Variants in ZMYM2 observed in about 807,000 individuals in gnomAD.
ZMYM2 encodes zinc finger MYM-type containing 2, also known as zinc finger MYM-type protein 2.
In ZMYM2, 56 loss-of-function variants were observed where a neutral mutation model predicts 162.8. The observed-to-expected ratio is 0.34, with a 90% CI of 0.28 to 0.43. The LOEUF (loss-of-function observed/expected upper bound fraction) is 0.43, where lower values mean the gene tolerates loss of function less well. ZMYM2 is among the 20% of genes least tolerant of loss of function. ZMYM2 has a pLI of 1.00. For synonymous variants in ZMYM2, 510 were observed against 541.6 expected, an observed-to-expected ratio of 0.94 and a Z score of 0.81; for missense variants, 1,275 against 1,621.8, an observed-to-expected ratio of 0.79 and a Z score of 3.67.
chr13:19,884,013 C>A, the ZMYM2 span, among the ~76,000 whole-genome samples: 12,552 of 152,230 alleles, frequency 0.082, 561 homozygotes, highest in Middle Eastern at 0.12. Flanking sequence ...CCGGTTTGAC[C>A]TCCAAAAGCG....
At chr13:20,039,475 T>G (rs1229064243) in intron 12 of ZMYM2, among the ~76,000 whole-genome samples, 1 of 7,812 alleles carries the variant, frequency 1.3e-4, no homozygotes, top group Non-Finnish European at 4.3e-3. Context: ...TATTGAGAGT[T>G]TTTTTTTTTT....
chr13:19,985,780 G>A (rs530781372), intron 2 of ZMYM2, among the ~76,000 whole-genome samples: 1 of 152,008 alleles, frequency 6.6e-6, no homozygotes, highest in Non-Finnish European at 1.5e-5. Flanking sequence ...GGAGGCTGAG[G>A]CACAAGAATT....
chr13:20,026,729 AACAGTC>A lies in ZMYM2; in HGVS notation c.1706_1711del (p.Ser569_His570del), dbSNP rs1194113878. On this transcript the variant is annotated inframe_deletion, in exon 8 of 25. Transcript: ENST00000610343. ...GCCATATTGTTCAACTGCTTGTATG[AACAGTC>A]ACAAGACAAAATATGCAAAATCACA... 6.2e-7 allele frequency: 1 copy of A among 1,600,656 alleles called. No homozygotes were observed. The highest frequency in any genetic ancestry group is 8.5e-7 in the Non-Finnish European group (1 of 1,177,268).
chr13:19,884,291 T>C, the ZMYM2 span, among the ~76,000 whole-genome samples: 1 of 152,248 alleles, frequency 6.6e-6, no homozygotes, highest in African/African-American at 2.4e-5. Flanking sequence ...CTGACGCCAG[T>C]GGCGGGGTGC....
chr13:20,051,253 G>GCATCTTTTTTTTT, intron 12 of ZMYM2, among the ~76,000 whole-genome samples, 180 bp from the exon 13 acceptor site: 2 of 74,196 alleles, frequency 2.7e-5, no homozygotes, highest in Non-Finnish European at 5.9e-5. Flanking sequence ...CTGTGAAATT[G>GCATCTTTTTTTTT]TATTTTTTTT....
the ZMYM2 span, among the ~76,000 whole-genome samples, chr13:19,942,384 AAAATGTCCTATACT>A: frequency 2.6e-5 from 4 of 152,062 alleles, no homozygotes; most frequent in Non-Finnish European, 5.9e-5. Flanking sequence ...GGAACCACAT[AAAATGTCCTATACT>A]AAAGAATTTA....
intron 10 of ZMYM2, among the ~76,000 whole-genome samples, chr13:20,033,780 T>C (rs1340343935): frequency 3.3e-5 from 5 of 152,216 alleles, no homozygotes; most frequent in Non-Finnish European, 7.3e-5. Context: ...GCACGCTGTG[T>C]GATGGCACCA....
the ZMYM2 span, among the ~76,000 whole-genome samples, chr13:19,910,772 T>C: frequency 6.6e-6 from 1 of 152,106 alleles, no homozygotes; most frequent in Admixed American, 6.6e-5. Flanking sequence ...GAAACCTAAA[T>C]ACAATGAGAA....
chr13:20,075,717 T>TATCGCCCAGGCTGGAGTGCAGTGGCGCC lies in ZMYM2; in HGVS notation c.3454-6295_3454-6268dup, dbSNP rs567445905. ...TTTTTTTTTTTGGAGACAGAGTCTC[T>TATCGCCCAGGCTGGAGTGCAGTGGCGCC]ATCGCCCAGGCTGGAGTGCAGTGGC... is the stretch of plus-strand genomic sequence containing the variant. On this transcript the variant is annotated intron_variant, in intron 21 of 24. Transcript: ENST00000610343. Among the ~76,000 whole-genome samples the TATCGCCCAGGCTGGAGTGCAGTGGCGCC allele has an allele frequency of 5.5e-3, 698 of 125,902 alleles. 15 individuals are homozygous for TATCGCCCAGGCTGGAGTGCAGTGGCGCC. The highest frequency in any genetic ancestry group is 0.02 in the African/African-American group (646 of 32,776). The allele number at this position is 125,902 out of a possible 152,430, so 82.6% of individuals were successfully genotyped here.
At chr13:19,868,213 T>C in the ZMYM2 span, among the ~76,000 whole-genome samples, 6 of 152,256 alleles carry the variant, frequency 3.9e-5, no homozygotes, top group Non-Finnish European at 8.8e-5. Flanking sequence ...CATTTTTATT[T>C]TTATATCAAC....
intron 17 of ZMYM2, 76 bp downstream of exon 17, chr13:20,061,300 A>T (rs1956211438): frequency 6.8e-7 from 1 of 1,478,122 alleles, no homozygotes; most frequent in Admixed American, 2.3e-5. Context: ...AGTACTTTCC[A>T]GGGCATATCA....
intron 2 of ZMYM2, among the ~76,000 whole-genome samples, chr13:19,978,596 G>A (rs1040273036): frequency 6.6e-6 from 1 of 152,000 alleles, no homozygotes; most frequent in African/African-American, 2.4e-5. Flanking sequence ...TGTATTTTTA[G>A]TAGAGACGGG....
In ZMYM2 at chr13:20,031,398, A is replaced by C; in HGVS notation, c.1931A>C (p.Asn644Thr). 3.1e-6 allele frequency: 5 copies of C among 1,608,200 alleles called. No homozygotes were observed. Among genetic ancestry groups the C allele is most frequent in the Non-Finnish European group, 4.2e-6 (5 of 1,178,094 alleles). ...DIQLKCNYCK[N>T]SFCSKPEILE... ...CAGTTGAAATGCAACTACTGCAAAA[A>C]TTCCTTTTGTTCAAAACCAGAAATC... The change falls in exon 10 of 25, where the codon AAT (asparagine) becomes ACT (threonine). Residue 644 changes from asparagine to threonine, a missense_variant. Transcript: ENST00000610343.
chr13:19,955,984 A>T (rs916028173), upstream of ZMYM2, among the ~76,000 whole-genome samples: 1 of 152,170 alleles, frequency 6.6e-6, no homozygotes, highest in Non-Finnish European at 1.5e-5. Flanking sequence ...TTAGTTGTGG[A>T]TTTATTGAGA....
chr13:19,935,315 TAATAGAGACA>T, the ZMYM2 span, among the ~76,000 whole-genome samples: 1 of 151,502 alleles, frequency 6.6e-6, no homozygotes, highest in South Asian at 2.1e-4. Flanking sequence ...TTTGTATTTT[TAATAGAGACA>T]GGGGTCTCAC....
chr13:19,953,291 G>T, the ZMYM2 span, among the ~76,000 whole-genome samples: 2 of 152,128 alleles, frequency 1.3e-5, no homozygotes, highest in African/African-American at 4.8e-5. Context: ...TTGTTAATAA[G>T]CTTCATTACT....
At chr13:20,037,868 A>G (rs1290446364) in intron 12 of ZMYM2, among the ~76,000 whole-genome samples, 1 of 152,196 alleles carries the variant, frequency 6.6e-6, no homozygotes, top group Non-Finnish European at 1.5e-5. Flanking sequence ...AATTTGGGTC[A>G]TGTTGTACTG....
the ZMYM2 span, among the ~76,000 whole-genome samples, chr13:19,945,845 A>G: frequency 6.7e-6 from 1 of 148,922 alleles, no homozygotes; most frequent in Non-Finnish European, 1.5e-5. Context: ...GCTACTTGGG[A>G]GGCCGAGGCA....
intron 12 of ZMYM2, among the ~76,000 whole-genome samples, chr13:20,047,803 A>G (rs1024584024): frequency 6.6e-6 from 1 of 152,138 alleles, no homozygotes; most frequent in Admixed American, 6.5e-5. Context: ...TGGAATAAGA[A>G]ATCTGTGACA....
Sources: allele counts gnomAD v4.1 joint callset (sites outside exome capture counted in the v4.1 genomes callset), GRCh38; gene constraint gnomAD v4.1.1; transcripts MANE v1.5; gene names NCBI Gene and HGNC (gene_info 2026-07-23, HGNC 2026-07-21).